Variants in RGS6 observed in about 807,000 individuals in gnomAD.
RGS6 encodes regulator of G protein signaling 6.
In RGS6, 30 loss-of-function variants were observed where a neutral mutation model predicts 78.5. The observed-to-expected ratio is 0.38, with a 90% confidence interval of 0.29 to 0.52. The LOEUF is 0.52. RGS6 is among the 20% of genes least tolerant of loss of function. The probability of loss-of-function intolerance (pLI) is 0.85; values close to 1 mark genes in which losing one functional copy is unlikely to be tolerated. For missense variants in RGS6, 495 were observed against 609.7 expected (o/e 0.81, Z 1.98); for synonymous variants, 206 against 206.0 (o/e 1.00, Z 0.00).
At chr14:72,156,315 A>G (rs1194143860) in intron 2 of RGS6, among the ~76,000 whole-genome samples, 1 of 152,026 alleles carries the variant, frequency 6.6e-6, no homozygotes, top group African/African-American at 2.4e-5. Flanking sequence ...GCGTGGTGGC[A>G]CGGGCCTGTA....
intron 13 of RGS6, among the ~76,000 whole-genome samples, chr14:72,498,453 A>G (rs1038011438): frequency 7.2e-5 from 11 of 152,202 alleles, no homozygotes; most frequent in African/African-American, 2.7e-4. Flanking sequence ...CCTGCCATAC[A>G]TTAGAACCAC....
At chr14:72,135,994 T>C (rs183666682) in intron 2 of RGS6, among the ~76,000 whole-genome samples, 2 of 152,316 alleles carry the variant, frequency 1.3e-5, no homozygotes, top group East Asian at 1.9e-4. Flanking sequence ...ATTTGGACAG[T>C]GGTATGTGCT....
intron 1 of RGS6, among the ~76,000 whole-genome samples, chr14:71,934,777 G>C (rs1022457499): frequency 6.6e-6 from 1 of 152,204 alleles, no homozygotes; most frequent in Admixed American, 6.5e-5. Context: ...ATAATTTTGT[G>C]TGAAAGTAGA....
chr14:72,535,250 G>A (rs897713330), intron 15 of RGS6, among the ~76,000 whole-genome samples: 6 of 152,136 alleles, frequency 3.9e-5, no homozygotes, highest in Admixed American at 6.5e-5. Context: ...GAAAAGAGGC[G>A]GCACCTTGCT....
chr14:72,481,572 A>C (rs1016825190), intron 12 of RGS6, among the ~76,000 whole-genome samples: 1 of 152,142 alleles, frequency 6.6e-6, no homozygotes, highest in Non-Finnish European at 1.5e-5. Context: ...TTCTCAGATC[A>C]TCCCAGTTCC....
intron 14 of RGS6, chr14:72,514,011 C>G (rs2096910523): frequency 6.6e-6 from 1 of 152,244 alleles, no homozygotes; most frequent in African/African-American, 2.4e-5. Flanking sequence ...TCAGAAGGTT[C>G]ACTAGGCCCA....
At chr14:72,550,787 T>A (rs2097494691) in intron 17 of RGS6, 2 of 652,878 alleles carry the variant, frequency 3.1e-6, no homozygotes, top group East Asian at 6.6e-5. Flanking sequence ...TCTTGGCTAA[T>A]CTTTAATCAT....
chr14:72,601,007 AGAG>A, the RGS6 span, among the ~76,000 whole-genome samples: 2,978 of 116,440 alleles, frequency 0.026, 100 homozygotes, highest in African/African-American at 0.096. Flanking sequence ...AGGAGGGGGG[AGAG>A]GAGGAGGAGG....
At chr14:72,188,734 C>T (rs533514342) in intron 2 of RGS6, among the ~76,000 whole-genome samples, 37 of 152,126 alleles carry the variant, frequency 2.4e-4, no homozygotes, top group Non-Finnish European at 5.3e-4. Flanking sequence ...TGATGGAAAG[C>T]GGTAAAAACT....
intron 3 of RGS6, among the ~76,000 whole-genome samples, chr14:72,414,184 TC>T (rs1446233510): frequency 6.6e-6 from 1 of 152,184 alleles, no homozygotes; most frequent in East Asian, 1.9e-4. Context: ...GGTTCCATTC[TC>T]CCTGTCACTT....
chr14:72,530,489 A>T (rs184535380), intron 15 of RGS6, among the ~76,000 whole-genome samples: 1 of 152,212 alleles, frequency 6.6e-6, no homozygotes, highest in East Asian at 1.9e-4. Context: ...GGGGTTTGAG[A>T]CCAGCCTGGC....
chr14:72,457,597 T>A (rs984657759), intron 4 of RGS6, among the ~76,000 whole-genome samples: 19 of 151,882 alleles, frequency 1.3e-4, no homozygotes, highest in African/African-American at 4.6e-4. Context: ...TTCTCAACTT[T>A]CTATGTGCAT....
chr14:71,980,375 G>C (rs1415844147), intron 2 of RGS6, among the ~76,000 whole-genome samples: 2 of 150,874 alleles, frequency 1.3e-5, no homozygotes, highest in African/African-American at 4.9e-5. Flanking sequence ...TTTACATTTT[G>C]GTATGATTTT....
intron 17 of RGS6, chr14:72,540,776 C>T: frequency 2.0e-6 from 2 of 985,390 alleles, no homozygotes; most frequent in South Asian, 4.7e-5. Flanking sequence ...TCCTACCGGC[C>T]TCCTCAGGCC....
chr14:72,131,890 C>G lies in RGS6; in HGVS notation c.84+167015C>G, dbSNP rs187383812. ...TAGAAGCCCACCATGGGGCTAGGCT[C>G]CACAAAGTTTGAATTGTGGTTATAC... is the stretch of plus-strand genomic sequence containing the variant. On this transcript the variant is annotated intron_variant, in intron 2 of 17. Coordinates refer to ENST00000553525, the MANE Select transcript of RGS6 (RefSeq NM_001204424.2). 4.0e-3 allele frequency among the ~76,000 whole-genome samples: 611 copies of G among 152,284 alleles called. 6 individuals carry two copies. The highest frequency in any genetic ancestry group is 0.01 in the Middle Eastern group (3 of 294).
At chr14:72,173,068 G>C (rs1414303204) in intron 2 of RGS6, among the ~76,000 whole-genome samples, 8 of 152,136 alleles carry the variant, frequency 5.3e-5, no homozygotes, top group Non-Finnish European at 1.0e-4. Flanking sequence ...CCTGTAAAGA[G>C]GAAAATACCC....
chr14:72,591,068 CA>C, the RGS6 span, among the ~76,000 whole-genome samples: 73,517 of 151,862 alleles, frequency 0.48, 19,406 homozygotes, highest in African/African-American at 0.68. Context: ...TAAATTCATA[CA>C]AAAAAAAGAC....
intron 17 of RGS6, among the ~76,000 whole-genome samples, chr14:72,542,511 G>A (rs1458890941): frequency 6.6e-6 from 1 of 152,238 alleles, no homozygotes; most frequent in Admixed American, 6.5e-5. Context: ...TAAATGAAGG[G>A]CCAGTTCAAT....
intron 2 of RGS6, among the ~76,000 whole-genome samples, chr14:72,315,065 C>T (rs919628581): frequency 6.6e-5 from 10 of 152,120 alleles, no homozygotes; most frequent in Admixed American, 2.0e-4. Context: ...AAACTATTTA[C>T]GTATGAAGAT....
Sources: gnomAD v4.1 joint callset for allele counts (sites outside exome capture counted in the v4.1 genomes callset) on GRCh38, gnomAD v4.1.1 for gene constraint, MANE v1.5 for transcripts, NCBI Gene and HGNC (gene_info 2026-07-23, HGNC 2026-07-21) for gene names.